ATG4C: variants seen among roughly 807,000 people sequenced by gnomAD.
ATG4C encodes the protein cysteine protease ATG4C.
Under a neutral mutation model 57.6 loss-of-function variants are expected in ATG4C, and 56 were observed. The ratio of observed to expected loss-of-function variants is 0.97; its 90% CI spans 0.78 to 1.21. The LOEUF (loss-of-function observed/expected upper bound fraction) is 1.21, where lower values mean the gene tolerates loss of function less well. Among genes scored for constraint, ATG4C ranks in the 50% most tolerant of loss-of-function variants. ATG4C has a pLI of 0.00. For synonymous variants in ATG4C, 157 were observed against 174.1 expected, an observed-to-expected ratio of 0.90 and a Z score of 0.78; for missense variants, 595 against 529.8, an observed-to-expected ratio of 1.12 and a Z score of -1.21.
At chr1:62,826,074 AT>A (rs1273645042) in intron 6 of ATG4C, among the ~76,000 whole-genome samples, 1 of 149,452 alleles carries the variant, frequency 6.7e-6, no homozygotes, top group Admixed American at 6.6e-5. Context: ...TGCCCGGCTA[AT>A]TTTTTGTATT....
At chr1:62,845,576 T>C (rs1033330966) in intron 10 of ATG4C, among the ~76,000 whole-genome samples, 1 of 152,216 alleles carries the variant, frequency 6.6e-6, no homozygotes, top group African/African-American at 2.4e-5. Context: ...TTAATAATAC[T>C]TTTATGGTTT....
chr1:62,804,076 G>A (rs1664772971), intron 2 of ATG4C, among the ~76,000 whole-genome samples: 1 of 148,922 alleles, frequency 6.7e-6, no homozygotes, highest in Admixed American at 6.8e-5. Flanking sequence ...CATACGATGT[G>A]GTCTCCTTTT....
chr1:62,807,723 G>A (rs12122041), intron 3 of ATG4C, among the ~76,000 whole-genome samples: 22,530 of 152,160 alleles, frequency 0.15, 1,766 homozygotes, highest in South Asian at 0.2. Flanking sequence ...CTTTTCATCT[G>A]TATTCTTTAT....
In ATG4C at chr1:62,816,930, A is replaced by G. The variant is rs146627000; in HGVS notation, c.394+122A>G. 5.7e-4 allele frequency: 460 copies of G among 806,940 alleles called. 3 individuals carry two copies. In the African/African-American group the frequency reaches 6.6e-3, roughly 12 times the overall value. 50.0% of individuals were successfully genotyped at this position (806,940 alleles called of 1,614,324 possible). Reference sequence around the variant, plus strand: ...CTGAGGTTAATTTCTTGACTGTGAGATTTTCTAAGGAGTTGTAACTAATTT... The same window carrying G: ...CTGAGGTTAATTTCTTGACTGTGAGGTTTTCTAAGGAGTTGTAACTAATTT... On this transcript the variant is annotated intron_variant, in intron 4 of 10. Coordinates refer to ENST00000317868, the MANE Select transcript of ATG4C (RefSeq NM_032852.4).
At chr1:62,787,739 A>G (rs1057240006) in intron 1 of ATG4C, among the ~76,000 whole-genome samples, 3 of 151,252 alleles carry the variant, frequency 2.0e-5, no homozygotes, top group Admixed American at 1.3e-4. Context: ...TTTTAAATTT[A>G]TAAGATGAGG....
rs1014484819 is a variant in ATG4C at position 62,802,851 on chromosome 1, T to C, written c.-68-868T>C. Among the ~76,000 whole-genome samples the C allele has an allele frequency of 3.3e-5, 5 of 152,216 alleles. No individual in the cohort carries two copies. In the South Asian group the frequency reaches 8.3e-4, roughly 25 times the overall value. ...GCTTTCTCCTGGCTCAGAACTATGA[T>C]GTATAATTGGTAACTTTTAATACAT... On this transcript the variant is annotated intron_variant, in intron 1 of 10. Coordinates refer to ENST00000317868, the MANE Select transcript of ATG4C (RefSeq NM_032852.4).
At chr1:62,798,112 T>C (rs10736399) in intron 1 of ATG4C, among the ~76,000 whole-genome samples, 99,404 of 152,028 alleles carry the variant, frequency 0.65, 33,126 homozygotes, top group African/African-American at 0.79. Flanking sequence ...ATGAGCCCAC[T>C]GTGCCCAGCC....
In ATG4C at chr1:62,840,842, C is replaced by T. The variant is rs371843744; in HGVS notation, c.1090-586C>T. 5.3e-5 allele frequency among the ~76,000 whole-genome samples: 8 copies of T among 152,264 alleles called. No individual in the cohort carries two copies. The South Asian group carries it at 1.7e-3, about 32-fold the overall frequency. On this transcript the variant is annotated intron_variant, in intron 9 of 10. Coordinates refer to ENST00000317868, the MANE Select transcript of ATG4C (RefSeq NM_032852.4). Reference sequence around the variant, plus strand: ...CATAATGGAATGGTTTCACCTGTTCCAGCCTGTTCCCTGAGAAGAAACAAG... The same window carrying T: ...CATAATGGAATGGTTTCACCTGTTCTAGCCTGTTCCCTGAGAAGAAACAAG...
chr1:62,823,587 A>G (rs1665554529), intron 6 of ATG4C, among the ~76,000 whole-genome samples: 1 of 152,144 alleles, frequency 6.6e-6, no homozygotes, highest in Non-Finnish European at 1.5e-5. Context: ...TTATCTACAA[A>G]CCAATGACTG....
intron 9 of ATG4C, among the ~76,000 whole-genome samples, chr1:62,839,944 T>C (rs543939607): frequency 6.6e-6 from 1 of 152,318 alleles, no homozygotes; most frequent in Admixed American, 6.5e-5. Context: ...ATTTTGCATA[T>C]CTTTTGGTGA....
intron 10 of ATG4C, among the ~76,000 whole-genome samples, chr1:62,854,875 T>C (rs116409900): frequency 0.011 from 1,700 of 152,288 alleles, 33 homozygotes; most frequent in African/African-American, 0.039. Flanking sequence ...ATATGTTGTC[T>C]GCTCTAGCTC....
chr1:62,793,170 G>A (rs1326322494), intron 1 of ATG4C, among the ~76,000 whole-genome samples: 2 of 151,966 alleles, frequency 1.3e-5, no homozygotes, highest in African/African-American at 2.4e-5. Flanking sequence ...ACAGGCGTGA[G>A]CCACCGCGCC....
At chr1:62,862,529 T>C (rs1404359758) in intron 10 of ATG4C, among the ~76,000 whole-genome samples, 2 of 152,134 alleles carry the variant, frequency 1.3e-5, no homozygotes, top group Non-Finnish European at 2.9e-5. Flanking sequence ...CAGATGCCAA[T>C]ACTCTCTGCC....
chr1:62,857,856 T>TA (rs1467073946), intron 10 of ATG4C, among the ~76,000 whole-genome samples: 1 of 152,228 alleles, frequency 6.6e-6, no homozygotes, highest in African/African-American at 2.4e-5. Flanking sequence ...ACCCACCAAA[T>TA]ACTCGCTTTT....
At chr1:62,815,407 T>C (rs1665234377) in intron 3 of ATG4C, among the ~76,000 whole-genome samples, 1 of 152,152 alleles carries the variant, frequency 6.6e-6, no homozygotes, top group Admixed American at 6.6e-5. Flanking sequence ...CTTTATGATA[T>C]TGTTGTCATA....
At chr1:62,793,678 A>G (rs1361891114) in intron 1 of ATG4C, among the ~76,000 whole-genome samples, 1 of 151,718 alleles carries the variant, frequency 6.6e-6, no homozygotes, top group Admixed American at 6.6e-5. Context: ...CAAAAAAAGT[A>G]TTAGTTATTA....
intron 6 of ATG4C, 109 bp downstream of exon 6, chr1:62,821,318 CTT>C: frequency 1.7e-6 from 1 of 604,972 alleles, no homozygotes. Flanking sequence ...GGGACCATGT[CTT>C]ATACATTTTT....
chr1:62,827,051 C>T (rs1665684893), intron 6 of ATG4C, among the ~76,000 whole-genome samples: 1 of 151,948 alleles, frequency 6.6e-6, no homozygotes, highest in African/African-American at 2.4e-5. Flanking sequence ...CAGCCCCTTG[C>T]CTATACAGTC....
intron 1 of ATG4C, among the ~76,000 whole-genome samples, chr1:62,802,365 T>C (rs1664708204): frequency 1.3e-5 from 2 of 151,874 alleles, no homozygotes; most frequent in African/African-American, 4.8e-5. Flanking sequence ...ACCTCTTGAG[T>C]GCCAACATGA....
Sources: gnomAD v4.1 joint callset for allele counts (sites outside exome capture counted in the v4.1 genomes callset) on GRCh38, gnomAD v4.1.1 for gene constraint, MANE v1.5 for transcripts, NCBI Gene and HGNC (gene_info 2026-07-23, HGNC 2026-07-21) for gene names.